The following ARHGAP31 variants were observed in gnomAD, a reference collection of about 807,000 sequenced individuals.
ARHGAP31 encodes rho GTPase-activating protein 31.
Under a neutral mutation model 113.9 loss-of-function variants are expected in ARHGAP31, and 34 were observed. The observed-to-expected ratio is 0.30, with a 90% CI of 0.23 to 0.40. The LOEUF (loss-of-function observed/expected upper bound fraction) is 0.40, where lower values mean the gene tolerates loss of function less well. Among genes scored for constraint, ARHGAP31 ranks in the 10% least tolerant of loss-of-function variants. The pLI, the probability that ARHGAP31 is intolerant of heterozygous loss-of-function variation, is 1.00. For missense variants in ARHGAP31, 1,548 were observed against 1,767.1 expected (o/e 0.88, Z 2.22); for synonymous variants, 650 against 684.8 (o/e 0.95, Z 0.79).
In ARHGAP31 at chr3:119,414,728, C is replaced by T. The variant is rs1270671204; in HGVS notation, c.2799C>T (p.Gly933=). 6.2e-7 allele frequency: 1 copy of T among 1,614,206 alleles called. No individual in the cohort carries two copies. Among genetic ancestry groups the T allele is most frequent in the Non-Finnish European group, 8.5e-7 (1 of 1,180,020 alleles). The change falls in exon 12 of 12, where the codon GGC becomes GGT. Residue 933 remains glycine (G), a synonymous_variant. Transcript: ENST00000264245. ...LKDAHKAQVQ[G]LQGHQLEKRL... Reference sequence around the variant, plus strand: ...ACGCGCACAAGGCCCAGGTACAGGGCCTTCAGGGTCACCAGTTGGAGAAGA... The same window carrying T: ...ACGCGCACAAGGCCCAGGTACAGGGTCTTCAGGGTCACCAGTTGGAGAAGA...
rs546811652 is a variant in ARHGAP31 at position 119,366,466 on chromosome 3, T to A, written c.203+1048T>A. ...GAGAAGTCATAGCTGTTAAAAAAAATAATTGGTTTATTGCAGCCATAGATT... is the reference window on the plus strand; with the variant it reads ...GAGAAGTCATAGCTGTTAAAAAAAAAAATTGGTTTATTGCAGCCATAGATT... On this transcript the variant is annotated intron_variant, in intron 2 of 11. Transcript: ENST00000264245. 3.3e-5 allele frequency among the ~76,000 whole-genome samples: 5 copies of A among 151,640 alleles called. No homozygotes were observed. In the East Asian group the frequency reaches 9.7e-4, roughly 29 times the overall value.
chr3:119,309,026 G>T (rs1310005611), intron 1 of ARHGAP31, among the ~76,000 whole-genome samples: 3 of 152,018 alleles, frequency 2.0e-5, no homozygotes, highest in African/African-American at 7.3e-5. Context: ...ATTGTTTGTA[G>T]AGACAAGGTT....
At chr3:119,407,569 C>A (rs1219349880) in intron 10 of ARHGAP31, among the ~76,000 whole-genome samples, 1 of 152,088 alleles carries the variant, frequency 6.6e-6, no homozygotes, top group African/African-American at 2.4e-5. Flanking sequence ...TAAACTCTGG[C>A]AGAATAAACC....
chr3:119,349,202 G>A (rs773471132), intron 1 of ARHGAP31, among the ~76,000 whole-genome samples: 1 of 152,164 alleles, frequency 6.6e-6, no homozygotes, highest in Non-Finnish European at 1.5e-5. Flanking sequence ...GAAAATTGAG[G>A]AAGAGGCCAA....
At chr3:119,318,564 A>C (rs2079754375) in intron 1 of ARHGAP31, among the ~76,000 whole-genome samples, 1 of 152,168 alleles carries the variant, frequency 6.6e-6, no homozygotes, top group Non-Finnish European at 1.5e-5. Flanking sequence ...TTACTTCCTG[A>C]TTAATTTAAT....
chr3:119,362,503 C>T (rs942165639), intron 1 of ARHGAP31, among the ~76,000 whole-genome samples: 1 of 152,176 alleles, frequency 6.6e-6, no homozygotes, highest in Non-Finnish European at 1.5e-5. Flanking sequence ...CGAGGTGGCT[C>T]ACGCCTGTAA....
intron 6 of ARHGAP31, among the ~76,000 whole-genome samples, chr3:119,387,225 A>C (rs2080460264): frequency 1.3e-5 from 2 of 152,230 alleles, no homozygotes; most frequent in Non-Finnish European, 2.9e-5. Flanking sequence ...CTTCACCGCT[A>C]GACCAAGGAG....
chr3:119,376,687 C>A (rs2080351830), intron 3 of ARHGAP31, among the ~76,000 whole-genome samples: 1 of 151,884 alleles, frequency 6.6e-6, no homozygotes, highest in African/African-American at 2.4e-5. Context: ...CCATCATTCT[C>A]TCCCCTGTGC....
intron 1 of ARHGAP31, among the ~76,000 whole-genome samples, chr3:119,310,440 C>G (rs902989826): frequency 1.3e-5 from 2 of 152,140 alleles, no homozygotes; most frequent in African/African-American, 2.4e-5. Context: ...CCTCAGGCTG[C>G]AAACAGGTAT....
chr3:119,319,274 G>C (rs2079761786), intron 1 of ARHGAP31, among the ~76,000 whole-genome samples: 1 of 150,102 alleles, frequency 6.7e-6, no homozygotes, highest in African/African-American at 2.4e-5. Context: ...TTTCTTTTTA[G>C]GGATGGGTCA....
intron 1 of ARHGAP31, among the ~76,000 whole-genome samples, chr3:119,337,236 G>C (rs116456716): frequency 0.019 from 2,869 of 152,292 alleles, 83 homozygotes; most frequent in African/African-American, 0.064. Flanking sequence ...GACATCTCCA[G>C]ACTTGCTTCC....
intron 1 of ARHGAP31, among the ~76,000 whole-genome samples, chr3:119,311,070 A>G (rs2079679350): frequency 6.6e-6 from 1 of 152,174 alleles, no homozygotes; most frequent in Non-Finnish European, 1.5e-5. Flanking sequence ...CCAGCTCCCC[A>G]TCACGCCTGT....
intron 1 of ARHGAP31, among the ~76,000 whole-genome samples, chr3:119,357,732 G>C (rs989329166): frequency 1.3e-5 from 2 of 152,188 alleles, no homozygotes; most frequent in Admixed American, 6.5e-5. Flanking sequence ...TGAGTTAAAT[G>C]TATATAGTTT....
chr3:119,297,191 GT>G (rs1224863158), intron 1 of ARHGAP31, among the ~76,000 whole-genome samples: 2 of 152,196 alleles, frequency 1.3e-5, no homozygotes, highest in African/African-American at 4.8e-5. Flanking sequence ...TAGTTGGATG[GT>G]TTTTTTCTGT....
intron 1 of ARHGAP31, chr3:119,298,742 C>T (rs572637490): frequency 4.3e-5 from 7 of 161,438 alleles, no homozygotes; most frequent in East Asian, 3.3e-4. Flanking sequence ...GCACCATCTG[C>T]GCCCAATGCC....
intron 4 of ARHGAP31, among the ~76,000 whole-genome samples, chr3:119,381,731 T>C (rs1271557011): frequency 2.0e-5 from 3 of 152,194 alleles, no homozygotes; most frequent in Non-Finnish European, 4.4e-5. Context: ...CTCATGCCTG[T>C]AATCCCAGCA....
chr3:119,327,674 A>G (rs1328799612), intron 1 of ARHGAP31, among the ~76,000 whole-genome samples: 1 of 152,110 alleles, frequency 6.6e-6, no homozygotes, highest in Admixed American at 6.5e-5. Context: ...TGTATATTTT[A>G]TCTTGTGTAT....
intron 1 of ARHGAP31, among the ~76,000 whole-genome samples, chr3:119,337,722 TG>T (rs1198768048): frequency 6.6e-6 from 1 of 152,230 alleles, no homozygotes; most frequent in African/African-American, 2.4e-5. Context: ...GAGCACTGAC[TG>T]GTGCATTTAC....
chr3:119,407,579 C>A (rs982053846), intron 10 of ARHGAP31, among the ~76,000 whole-genome samples: 1 of 152,048 alleles, frequency 6.6e-6, no homozygotes, highest in Non-Finnish European at 1.5e-5. Flanking sequence ...CAGAATAAAC[C>A]AATAAGCTAA....
Sources: gnomAD v4.1 joint callset for allele counts (sites outside exome capture counted in the v4.1 genomes callset) on GRCh38, gnomAD v4.1.1 for gene constraint, MANE v1.5 for transcripts, NCBI Gene and HGNC (gene_info 2026-07-23, HGNC 2026-07-21) for gene names.